Variants in COL6A5 observed in about 807,000 individuals in gnomAD.
The protein encoded by COL6A5 is collagen type VI alpha 5 chain.
Under a neutral mutation model 65.6 loss-of-function variants are expected in COL6A5, and 48 were observed. The observed-to-expected ratio is 0.73, with a 90% CI of 0.58 to 0.93. COL6A5 has a LOEUF of 0.93. COL6A5 is among the 40% of genes least tolerant of loss of function. COL6A5 has a pLI of 0.00. For missense variants in COL6A5, 914 were observed against 928.3 expected, an observed-to-expected ratio of 0.98 and a Z score of 0.20; for synonymous variants, 291 against 322.8, an observed-to-expected ratio of 0.90 and a Z score of 1.05.
intron 3 of COL6A5, among the ~76,000 whole-genome samples, chr3:130,442,859 C>T (rs765258175): frequency 4.6e-5 from 7 of 152,100 alleles, no homozygotes; most frequent in Non-Finnish European, 8.8e-5. Flanking sequence ...TTTCATAGAT[C>T]CTTGGATCAG....
chr3:130,368,731 G>A (rs147703874), intron 1 of COL6A5, among the ~76,000 whole-genome samples: 1,878 of 152,242 alleles, frequency 0.012, 25 homozygotes, highest in Middle Eastern at 0.041. Flanking sequence ...TGGTGCCATG[G>A]AGGAAACAAA....
At chr3:130,440,065 A>C in intron 2 of COL6A5, 101 bp from the exon 35 acceptor site, 1 of 917,252 alleles carries the variant, frequency 1.1e-6, no homozygotes, top group Non-Finnish European at 1.6e-6. Context: ...TGATCAAATT[A>C]TAATTCTTGG....
intron 1 of COL6A5, among the ~76,000 whole-genome samples, chr3:130,362,497 ATTC>A (rs1234626318): frequency 1.3e-5 from 2 of 151,772 alleles, no homozygotes; most frequent in Non-Finnish European, 2.9e-5. Flanking sequence ...TGATTTGTCT[ATTC>A]TTTCACCAGT....
At chr3:130,474,756 C>T (rs1710045965) in intron 7 of COL6A5, among the ~76,000 whole-genome samples, 1 of 151,848 alleles carries the variant, frequency 6.6e-6, no homozygotes. Context: ...ACCTGTAATT[C>T]TGGCACTTTG....
At chr3:130,460,989 T>C (rs533050205) in intron 5 of COL6A5, among the ~76,000 whole-genome samples, 1 of 152,054 alleles carries the variant, frequency 6.6e-6, no homozygotes, top group East Asian at 1.9e-4. Flanking sequence ...GCAGCCCTCA[T>C]AGAGGGCTTA....
chr3:130,413,706 C>A, intron 21 of COL6A5, 126 bp downstream of exon 21: 2 of 971,910 alleles, frequency 2.1e-6, no homozygotes, highest in Non-Finnish European at 3.2e-6. Flanking sequence ...CAGTACTGGA[C>A]GTGATCCCCA....
rs961450245 is a variant in COL6A5 at position 130,397,848 on chromosome 3, G to A, written c.3834G>A (p.Gly1278=). 3 of 1,551,648 alleles carry A rather than the reference G, an allele frequency of 1.9e-6. No homozygotes were observed. In the South Asian group the frequency reaches 3.6e-5, roughly 18 times the overall value. The change falls in exon 9 of 42, where the codon GGG becomes GGA. Residue 1278 remains glycine, a synonymous_variant and NMD_transcript_variant. Transcript: ENST00000312481. ...GCTTGCTGCAAGTCAACGTCAGTGG[G>A]CCAACTCATCTGAACGCACAGTTCT...
chr3:130,387,095 A>G (rs1484772193), intron 5 of COL6A5, among the ~76,000 whole-genome samples: 2 of 152,080 alleles, frequency 1.3e-5, no homozygotes, highest in African/African-American at 4.8e-5. Context: ...TTAGGTCAAA[A>G]CTGAAGATCC....
intron 1 of COL6A5, among the ~76,000 whole-genome samples, chr3:130,350,030 AC>A (rs755045735): frequency 7.9e-5 from 12 of 152,234 alleles, no homozygotes; most frequent in Non-Finnish European, 1.5e-4. Context: ...AAAGACACCT[AC>A]TTTCCTGCTG....
intron 4 of COL6A5, among the ~76,000 whole-genome samples, chr3:130,444,128 C>G (rs73214746): frequency 6.6e-6 from 1 of 152,134 alleles, no homozygotes; most frequent in Non-Finnish European, 1.5e-5. Context: ...GTTTTCCACC[C>G]GGCTCACCAG....
At chr3:130,462,890 T>C (rs1709732506) in intron 5 of COL6A5, among the ~76,000 whole-genome samples, 1 of 152,096 alleles carries the variant, frequency 6.6e-6, no homozygotes, top group African/African-American at 2.4e-5. Context: ...TGCTAGAATC[T>C]CATCTCTAAT....
intron 1 of COL6A5, among the ~76,000 whole-genome samples, chr3:130,372,962 A>T (rs1935622378): frequency 6.6e-6 from 1 of 152,148 alleles, no homozygotes; most frequent in Non-Finnish European, 1.5e-5. Context: ...TAAATTCCTG[A>T]GATTTTAATT....
intron 7 of COL6A5, among the ~76,000 whole-genome samples, chr3:130,474,251 A>C (rs1710033059): frequency 6.6e-6 from 1 of 152,126 alleles, no homozygotes; most frequent in Non-Finnish European, 1.5e-5. Flanking sequence ...CAAAGGCCCT[A>C]GAAACTAAAC....
intron 2 of COL6A5, among the ~76,000 whole-genome samples, 183 bp from the exon 3 acceptor site, chr3:130,376,054 G>T (rs947774313): frequency 6.6e-6 from 1 of 152,054 alleles, no homozygotes; most frequent in Non-Finnish European, 1.5e-5. Flanking sequence ...CTTTACTAAA[G>T]CCCTTTTGTT....
At chr3:130,421,329 C>G in exon 27 of COL6A5, 2 of 1,550,638 alleles carry the variant, frequency 1.3e-6, no homozygotes, top group Non-Finnish European at 1.7e-6. Context: ...TTATAGGGCC[C>G]AAGAGGATTC....
intron 1 of COL6A5, among the ~76,000 whole-genome samples, chr3:130,355,772 C>T (rs533170574): frequency 2.6e-5 from 4 of 151,692 alleles, no homozygotes; most frequent in East Asian, 3.8e-4. Flanking sequence ...AGATGACAGA[C>T]GTAAGCCCAA....
chr3:130,379,417 G>A lies in COL6A5; in HGVS notation c.668-1G>A. The stretch of plus-strand genomic sequence containing the variant: ...TCCTCACACATTTTCTGTCTGCATA[G>A]TTCACTTCCCCATATCCTGTCAGAA... On this transcript the variant is annotated splice_acceptor_variant and NMD_transcript_variant, in intron 3 of 41. Coordinates refer to the COL6A5 transcript ENST00000312481. 1.3e-6 allele frequency: 2 copies of A among 1,549,824 alleles called. No homozygotes were observed. The highest frequency in any genetic ancestry group is 1.7e-6 in the Non-Finnish European group (2 of 1,145,938).
At chr3:130,354,446 C>T (rs144685283) in intron 1 of COL6A5, among the ~76,000 whole-genome samples, 7 of 152,268 alleles carry the variant, frequency 4.6e-5, no homozygotes, top group East Asian at 1.9e-4. Flanking sequence ...AACCCCACTA[C>T]GTAGAACCCA....
intron 10 of COL6A5, 52 bp from the exon 11 acceptor site, chr3:130,400,979 T>C: frequency 7.1e-7 from 1 of 1,409,748 alleles, no homozygotes; most frequent in Non-Finnish European, 9.4e-7. Context: ...GTCTTCTTCT[T>C]TTTCATGTAC....
Sources: gnomAD v4.1 joint callset for allele counts (sites outside exome capture counted in the v4.1 genomes callset) on GRCh38, gnomAD v4.1.1 for gene constraint, MANE v1.5 for transcripts, NCBI Gene and HGNC (gene_info 2026-07-23, HGNC 2026-07-21) for gene names.